The following SORCS2 variants were observed in gnomAD, a reference collection of about 807,000 sequenced individuals.
The protein encoded by SORCS2 is VPS10 domain-containing receptor SorCS2.
In SORCS2, 100 loss-of-function variants were observed where a neutral mutation model predicts 141.6. The ratio of observed to expected loss-of-function variants is 0.71; its 90% CI spans 0.60 to 0.83. SORCS2 has a LOEUF of 0.83. Among genes scored for constraint, SORCS2 ranks in the 40% least tolerant of loss-of-function variants. The pLI, the probability that SORCS2 is intolerant of heterozygous loss-of-function variation, is 0.00. For synonymous variants in SORCS2, 789 were observed against 676.9 expected, an observed-to-expected ratio of 1.17 and a Z score of -2.57; for missense variants, 1,646 against 1,560.2, an observed-to-expected ratio of 1.05 and a Z score of -0.93.
intron 1 of SORCS2, among the ~76,000 whole-genome samples, chr4:7,334,173 C>A (rs1450317570): frequency 6.6e-6 from 1 of 152,072 alleles, no homozygotes; most frequent in East Asian, 1.9e-4. Context: ...TAAGAAGGTG[C>A]CCACACAGGC....
chr4:7,328,714 C>T lies in SORCS2; in HGVS notation c.481-67574C>T, dbSNP rs115136209. ...GAGAAGCAAGACAGATGCTTCCCTG[C>T]TCCTCACAGCTGCAAGGGGCCTTGG... is the stretch of plus-strand genomic sequence containing the variant. On this transcript the variant is annotated intron_variant, in intron 1 of 26. Transcript: ENST00000507866. 5.8e-3 allele frequency among the ~76,000 whole-genome samples: 885 copies of T among 152,296 alleles called. 6 individuals carry two copies. The highest frequency in any genetic ancestry group is 0.019 in the South Asian group (93 of 4,824).
At chr4:7,603,266 C>T (rs1479172106) in intron 3 of SORCS2, among the ~76,000 whole-genome samples, 1 of 151,812 alleles carries the variant, frequency 6.6e-6, no homozygotes, top group Non-Finnish European at 1.5e-5. Context: ...CTCCATATTT[C>T]CTAACACCTT....
chr4:7,577,485 T>C (rs1715829140), intron 3 of SORCS2, among the ~76,000 whole-genome samples: 1 of 150,316 alleles, frequency 6.7e-6, no homozygotes, highest in South Asian at 2.1e-4. Context: ...TTATGTAGCA[T>C]ACAGGTGAAG....
intron 1 of SORCS2, among the ~76,000 whole-genome samples, chr4:7,199,270 G>C (rs1254386623): frequency 6.6e-6 from 1 of 152,204 alleles, no homozygotes; most frequent in Non-Finnish European, 1.5e-5. Context: ...AGAGCCCCAG[G>C]GATGCAATTC....
At chr4:7,728,951 G>A (rs1161896510) in intron 22 of SORCS2, among the ~76,000 whole-genome samples, 3 of 152,198 alleles carry the variant, frequency 2.0e-5, no homozygotes, top group African/African-American at 7.2e-5. Flanking sequence ...CCAGTCCTCT[G>A]GAGCCACCTG....
intron 1 of SORCS2, among the ~76,000 whole-genome samples, chr4:7,333,469 C>G (rs1166443108): frequency 1.3e-5 from 2 of 152,210 alleles, no homozygotes; most frequent in Non-Finnish European, 2.9e-5. Flanking sequence ...GACGTGCTCC[C>G]TAAACTGCAC....
intron 1 of SORCS2, among the ~76,000 whole-genome samples, chr4:7,211,452 C>T (rs1343017269): frequency 3.9e-5 from 6 of 152,134 alleles, no homozygotes; most frequent in South Asian, 2.1e-4. Flanking sequence ...TGCAGTGGCG[C>T]GATCTCCGCC....
chr4:7,585,385 C>T (rs895138529), intron 3 of SORCS2, among the ~76,000 whole-genome samples: 1 of 152,172 alleles, frequency 6.6e-6, no homozygotes, highest in Non-Finnish European at 1.5e-5. Context: ...CACTGAAGTA[C>T]ACCAGAAAAG....
At chr4:7,724,664 T>TG (rs1477395262) in intron 19 of SORCS2, among the ~76,000 whole-genome samples, 2 of 146,630 alleles carry the variant, frequency 1.4e-5, no homozygotes, top group Non-Finnish European at 3.0e-5. Context: ...GTAGTTATGG[T>TG]GATAATGGTG....
chr4:7,573,712 A>C (rs1715545584), intron 3 of SORCS2, among the ~76,000 whole-genome samples: 1 of 152,146 alleles, frequency 6.6e-6, no homozygotes, highest in Non-Finnish European at 1.5e-5. Context: ...GGAGGGGTGA[A>C]GGGGAAAAAT....
intron 1 of SORCS2, among the ~76,000 whole-genome samples, chr4:7,335,600 G>A (rs1225024080): frequency 2.6e-5 from 4 of 152,308 alleles, no homozygotes; most frequent in South Asian, 2.1e-4. Context: ...TGCTGGAGGC[G>A]GGCTGGGGTG....
intron 3 of SORCS2, among the ~76,000 whole-genome samples, chr4:7,600,794 A>G (rs567049912): frequency 1.3e-5 from 2 of 152,248 alleles, no homozygotes; most frequent in East Asian, 3.9e-4. Flanking sequence ...TTTGTCTTCA[A>G]ATCTCTTTCG....
intron 1 of SORCS2, among the ~76,000 whole-genome samples, chr4:7,341,028 G>A (rs1178293927): frequency 2.0e-5 from 3 of 152,220 alleles, no homozygotes; most frequent in Admixed American, 1.3e-4. Flanking sequence ...AGCAGCAAAG[G>A]AAGCGTGAGG....
chr4:7,293,549 C>CT (rs1279674954), intron 1 of SORCS2, among the ~76,000 whole-genome samples: 1 of 152,186 alleles, frequency 6.6e-6, no homozygotes, highest in Non-Finnish European at 1.5e-5. Flanking sequence ...AGTTTAAGAT[C>CT]TTTTCCCTAG....
At chr4:7,622,993 G>A (rs988958226) in intron 3 of SORCS2, among the ~76,000 whole-genome samples, 4 of 152,214 alleles carry the variant, frequency 2.6e-5, no homozygotes, top group African/African-American at 4.8e-5. Flanking sequence ...GAGTGGAAAC[G>A]CTAGGACTGA....
rs376391673 is a variant in SORCS2 at position 7,709,309 on chromosome 4, C to T, written c.1869-3424C>T. Among the ~76,000 whole-genome samples the T allele has an allele frequency of 2.8e-4, 42 of 152,280 alleles. 2 individuals carry two copies. The highest frequency in any genetic ancestry group is 1.5e-5 in the Non-Finnish European group (1 of 68,018). ...ATGGGAGTGCTGTCCATCCGGGAGC[C>T]GTGAATGAGCCTGTCTCTGCAGGGT... On this transcript the variant is annotated intron_variant, in intron 14 of 26. Transcript: ENST00000507866.
At chr4:7,694,223 C>T (rs1033238758) in intron 11 of SORCS2, among the ~76,000 whole-genome samples, 33 of 152,100 alleles carry the variant, frequency 2.2e-4, no homozygotes, top group African/African-American at 8.0e-4. Flanking sequence ...GGGCAGGGGT[C>T]CTGGGCCTGA....
At position 7,545,388 on chromosome 4, in the gene SORCS2, T is replaced by C. The variant is rs79975137; in HGVS notation, c.648+13759T>C. ...TCCTCAAGTGCTCTGGGGACCCACCTGATGGAGACTTACCATGTGCTGGGT... is the reference window on the plus strand; with the variant it reads ...TCCTCAAGTGCTCTGGGGACCCACCCGATGGAGACTTACCATGTGCTGGGT... On this transcript the variant is annotated intron_variant, in intron 3 of 26. Transcript: ENST00000507866. 4.5e-4 allele frequency among the ~76,000 whole-genome samples: 69 copies of C among 152,338 alleles called. No individual in the cohort carries two copies. The East Asian group carries it at 0.013, about 29-fold the overall frequency.
rs1711659706 is a variant in SORCS2 at position 7,531,628 on chromosome 4, A to C, written c.647A>C (p.Lys216Thr). Residue 216 changes from lysine to threonine, a missense_variant and splice_region_variant, in exon 3 of 27, where the codon AAG becomes ACG. By Grantham distance (78) the Lys-to-Thr change is moderately conservative. Coordinates refer to ENST00000507866, the MANE Select transcript of SORCS2 (RefSeq NM_020777.3). ...TACATCTGCCCGACCAACAAGAGGA[A>C]GGTAGGTGCTGGCTGGGGGTGGCCG... Reference protein sequence around the residue: ...NFYICPTNKRKVILVSSSLSD... With the variant: ...NFYICPTNKRTVILVSSSLSD... 5 of 1,613,276 alleles carry C rather than the reference A, an allele frequency of 3.1e-6. No homozygotes were observed. In the South Asian group the frequency reaches 5.5e-5, roughly 18 times the overall value.
Sources: gnomAD v4.1 joint callset for allele counts (sites outside exome capture counted in the v4.1 genomes callset) on GRCh38, gnomAD v4.1.1 for gene constraint, MANE v1.5 for transcripts, NCBI Gene and HGNC (gene_info 2026-07-23, HGNC 2026-07-21) for gene names.